EYA4: variants seen among roughly 807,000 people sequenced by gnomAD.
The protein encoded by EYA4 is EYA transcriptional coactivator and phosphatase 4.
Under a neutral mutation model 87.9 loss-of-function variants are expected in EYA4, and 31 were observed. The ratio of observed to expected loss-of-function variants is 0.35; its 90% CI spans 0.27 to 0.48. The LOEUF is 0.48. Ranked by LOEUF, EYA4 falls within the 20% of genes least tolerant of loss-of-function variation. The pLI is 0.99. For synonymous variants in EYA4, 263 were observed against 270.6 expected (o/e 0.97, Z 0.28); for missense variants, 678 against 761.4 (o/e 0.89, Z 1.29).
chr6:133,531,410 C>A lies in EYA4; in HGVS notation c.*2605C>A. 5.3e-6 allele frequency: 3 copies of A among 565,824 alleles called. No individual in the cohort carries two copies. In the South Asian group the frequency reaches 6.9e-5, roughly 13 times the overall value. The allele number at this position is 565,824 out of a possible 1,614,324, so 35.1% of individuals were successfully genotyped here. A position where few individuals can be genotyped will look rare whatever the true frequency, so the allele number is the denominator to read the frequency against. On this transcript the variant is annotated 3_prime_UTR_variant, in exon 20 of 20. Transcript: ENST00000355286. ...CTGAAAAACGAAAACTGAACAAACACAAAACCAACCCCTTGGCAGTTCCCA... is the reference window on the plus strand; with the variant it reads ...CTGAAAAACGAAAACTGAACAAACAAAAAACCAACCCCTTGGCAGTTCCCA...
At chr6:133,287,664 T>C (rs574870950) in intron 2 of EYA4, among the ~76,000 whole-genome samples, 5 of 152,326 alleles carry the variant, frequency 3.3e-5, no homozygotes, top group African/African-American at 1.2e-4. Flanking sequence ...TTCTGGACTT[T>C]CTAACCTGGA....
intron 2 of EYA4, among the ~76,000 whole-genome samples, chr6:133,350,987 T>G (rs1783596628): frequency 6.6e-6 from 1 of 152,206 alleles, no homozygotes; most frequent in African/African-American, 2.4e-5. Context: ...TGATTTTTCT[T>G]CTGCTTACAT....
chr6:133,440,408 G>T (rs1302682701), intron 3 of EYA4, among the ~76,000 whole-genome samples: 1 of 152,104 alleles, frequency 6.6e-6, no homozygotes, highest in Non-Finnish European at 1.5e-5. Context: ...AAAGATAAAT[G>T]AAAAAGAATC....
At chr6:133,526,717 A>G (rs564940351) in intron 19 of EYA4, among the ~76,000 whole-genome samples, 2 of 152,276 alleles carry the variant, frequency 1.3e-5, no homozygotes, top group African/African-American at 2.4e-5. Flanking sequence ...GCTGACTACT[A>G]CTTCAAATGC....
At chr6:133,314,928 T>G (rs2128339648) in intron 2 of EYA4, among the ~76,000 whole-genome samples, 1 of 152,324 alleles carries the variant, frequency 6.6e-6, no homozygotes, top group East Asian at 1.9e-4. Context: ...GGAGCCACCT[T>G]GTTTTCCTTC....
In EYA4 at chr6:133,436,376, C is replaced by T. The variant is rs538319898; in HGVS notation, c.84-10254C>T. On this transcript the variant is annotated intron_variant, in intron 3 of 19. Transcript: ENST00000355286. ...CTGTCCCAAGAACAAAGTAGATGCT[C>T]AAGCAATGTTTGCTGAACTAGACTA... is the stretch of plus-strand genomic sequence containing the variant. Among the ~76,000 whole-genome samples the T allele has an allele frequency of 2.0e-5, 3 of 152,296 alleles. No individual in the cohort carries two copies. The South Asian group carries it at 6.2e-4, about 32-fold the overall frequency.
At chr6:133,317,689 G>A (rs534751035) in intron 2 of EYA4, among the ~76,000 whole-genome samples, 3 of 152,110 alleles carry the variant, frequency 2.0e-5, no homozygotes, top group African/African-American at 4.8e-5. Flanking sequence ...TCTCTTCATC[G>A]TGTCCTTTCT....
At chr6:133,242,421 G>A (rs1774027607) in intron 1 of EYA4, among the ~76,000 whole-genome samples, 1 of 152,196 alleles carries the variant, frequency 6.6e-6, no homozygotes, top group Admixed American at 6.5e-5. Context: ...CCTTGTCAGA[G>A]CAGTCGCGTT....
intron 6 of EYA4, 100 bp downstream of exon 6, chr6:133,456,748 T>G: frequency 1.3e-6 from 1 of 761,836 alleles, no homozygotes; most frequent in East Asian, 2.4e-5. Context: ...TCTTAGAACT[T>G]TGATCCTTAT....
intron 3 of EYA4, among the ~76,000 whole-genome samples, chr6:133,403,029 A>G (rs907571853): frequency 9.2e-5 from 14 of 152,258 alleles, no homozygotes; most frequent in African/African-American, 2.9e-4. Context: ...GCTTTCTACA[A>G]TTGTTATGAG....
At chr6:133,272,289 C>A (rs1353266251) in intron 1 of EYA4, among the ~76,000 whole-genome samples, 1 of 152,216 alleles carries the variant, frequency 6.6e-6, no homozygotes, top group Admixed American at 6.5e-5. Context: ...CCGATGAGGG[C>A]ATCGATGCAG....
At chr6:133,281,878 T>C (rs1777655611) in intron 2 of EYA4, among the ~76,000 whole-genome samples, 1 of 152,318 alleles carries the variant, frequency 6.6e-6, no homozygotes, top group Non-Finnish European at 1.5e-5. Flanking sequence ...GTATTTGTTT[T>C]TTTTTTCCTG....
At chr6:133,319,751 C>G (rs1193175817) in intron 2 of EYA4, among the ~76,000 whole-genome samples, 2 of 147,442 alleles carry the variant, frequency 1.4e-5, no homozygotes, top group Non-Finnish European at 3.0e-5. Flanking sequence ...TTGCTTCACT[C>G]TGTCACTCAG....
intron 13 of EYA4, among the ~76,000 whole-genome samples, chr6:133,505,417 A>G (rs149626731): frequency 2.0e-5 from 3 of 152,178 alleles, no homozygotes; most frequent in Non-Finnish European, 4.4e-5. Context: ...CCCAAAGCAT[A>G]TATTTTTTAC....
At chr6:133,491,146 C>A (rs1797116498) in intron 13 of EYA4, among the ~76,000 whole-genome samples, 1 of 151,892 alleles carries the variant, frequency 6.6e-6, no homozygotes, top group African/African-American at 2.4e-5. Context: ...TTAAAAATTT[C>A]TTGAAAGAAA....
intron 14 of EYA4, among the ~76,000 whole-genome samples, chr6:133,506,465 T>A (rs1481734707): frequency 6.6e-6 from 1 of 152,216 alleles, no homozygotes; most frequent in Non-Finnish European, 1.5e-5. Flanking sequence ...ACATGACTCT[T>A]GGTTCTTTTA....
intron 3 of EYA4, among the ~76,000 whole-genome samples, chr6:133,386,931 T>G (rs1478719074): frequency 6.6e-6 from 1 of 152,208 alleles, no homozygotes; most frequent in Non-Finnish European, 1.5e-5. Flanking sequence ...TTAAAGAAAT[T>G]GAGTTTGCTG....
intron 2 of EYA4, among the ~76,000 whole-genome samples, chr6:133,296,689 T>A (rs147872472): frequency 1.3e-5 from 2 of 152,214 alleles, no homozygotes; most frequent in South Asian, 4.1e-4. Flanking sequence ...TTGTATGATG[T>A]GGGGTAGGTT....
At chr6:133,470,036 A>C (rs1250550816) in intron 11 of EYA4, among the ~76,000 whole-genome samples, 1 of 150,508 alleles carries the variant, frequency 6.6e-6, no homozygotes, top group Non-Finnish European at 1.5e-5. Context: ...CCCATGTTGT[A>C]GGTTGCCTGT....
Sources: allele counts gnomAD v4.1 joint callset (sites outside exome capture counted in the v4.1 genomes callset), GRCh38; gene constraint gnomAD v4.1.1; transcripts MANE v1.5; gene names NCBI Gene and HGNC (gene_info 2026-07-23, HGNC 2026-07-21).